CMIP: variants seen among roughly 807,000 people sequenced by gnomAD.
The protein encoded by CMIP is c-Maf inducing protein, also known as C-Maf-inducing protein.
In CMIP, 13 loss-of-function variants were observed where a neutral mutation model predicts 97.3. The observed-to-expected ratio is 0.13, with a 90% CI of 0.09 to 0.21. The LOEUF (loss-of-function observed/expected upper bound fraction) is 0.21, where lower values mean the gene tolerates loss of function less well. Among genes scored for constraint, CMIP ranks in the 10% least tolerant of loss-of-function variants. The pLI, the probability that CMIP is intolerant of heterozygous loss-of-function variation, is 1.00. For synonymous variants in CMIP, 538 were observed against 436.3 expected (o/e 1.23, Z -2.91); for missense variants, 847 against 1,024.9 (o/e 0.83, Z 2.37).
intron 10 of CMIP, among the ~76,000 whole-genome samples, chr16:81,680,322 C>T (rs1904744174): frequency 6.6e-6 from 1 of 152,244 alleles, no homozygotes; most frequent in Non-Finnish European, 1.5e-5. Context: ...AGGGCAGCTT[C>T]TGAGGGCCTG....
chr16:81,606,945 T>C (rs1247714074), intron 1 of CMIP: 1 of 155,080 alleles, frequency 6.4e-6, no homozygotes, highest in Non-Finnish European at 1.5e-5. Flanking sequence ...GGCACTGTTA[T>C]CAGGGCAGTG....
rs974480686 is a variant in CMIP at position 81,710,075 on chromosome 16, G to A, written c.*276G>A. The A allele has an allele frequency of 1.8e-4, 4 of 22,480 alleles. No individual in the cohort carries two copies. Among genetic ancestry groups the A allele is most frequent in the African/African-American group, 7.9e-4 (4 of 5,076 alleles). The allele number at this position is 22,480 out of a possible 1,614,324, so 1.4% of individuals were successfully genotyped here. The stretch of plus-strand genomic sequence containing the variant: ...AGGAGCATCAGCGGGTCGGGGAGGG[G>A]TTTGGGGGTGGGCTGGGGGGTGGGG... On this transcript the variant is annotated 3_prime_UTR_variant, in exon 21 of 21. Coordinates refer to ENST00000537098, the MANE Select transcript of CMIP (RefSeq NM_198390.3).
At chr16:81,447,095 G>A (rs1443905220) in intron 1 of CMIP, among the ~76,000 whole-genome samples, 3 of 152,224 alleles carry the variant, frequency 2.0e-5, no homozygotes, top group Non-Finnish European at 4.4e-5. Flanking sequence ...ATGGAGGCGG[G>A]AGAGAGCCTC....
At chr16:81,609,600 G>T (rs536142430) in intron 2 of CMIP, among the ~76,000 whole-genome samples, 92 of 152,356 alleles carry the variant, frequency 6.0e-4, no homozygotes, top group African/African-American at 1.9e-3. Context: ...AGAGGCAACC[G>T]TGGAGGACTG....
intron 1 of CMIP, among the ~76,000 whole-genome samples, chr16:81,560,782 C>T (rs2090867038): frequency 6.6e-6 from 1 of 152,186 alleles, no homozygotes; most frequent in Non-Finnish European, 1.5e-5. Flanking sequence ...CACTGTGCTA[C>T]AGCTACCTAC....
chr16:81,453,895 A>G lies in CMIP; in HGVS notation c.300+8354A>G, dbSNP rs939856666. ...AGAACTCAGACACACGGCCACACGGAGTGCAGGGGAAGACTTGGGAACATG... is the reference window on the plus strand; with the variant it reads ...AGAACTCAGACACACGGCCACACGGGGTGCAGGGGAAGACTTGGGAACATG... On this transcript the variant is annotated intron_variant, in intron 1 of 20. Coordinates refer to ENST00000537098, the MANE Select transcript of CMIP (RefSeq NM_198390.3). The surrounding 1 kb of genome is among the most constrained non-coding windows in gnomAD (Gnocchi z 4.0). 6.6e-6 allele frequency among the ~76,000 whole-genome samples: 1 copy of G among 152,186 alleles called. No individual in the cohort carries two copies. Among genetic ancestry groups the G allele is most frequent in the Admixed American group, 6.5e-5 (1 of 15,288 alleles).
At chr16:81,490,301 G>T (rs915248546) in intron 1 of CMIP, among the ~76,000 whole-genome samples, 2 of 152,244 alleles carry the variant, frequency 1.3e-5, no homozygotes, top group African/African-American at 4.8e-5. Flanking sequence ...GAGGCCTGAT[G>T]CTATTGTAAC....
In CMIP at chr16:81,478,089, G is replaced by A. The variant is rs150891140; in HGVS notation, c.300+32548G>A. On this transcript the variant is annotated intron_variant, in intron 1 of 20. Transcript: ENST00000537098. The stretch of plus-strand genomic sequence containing the variant: ...AGAATAGGGTGTTGGCATGGGCCAC[G>A]CTAGCCATCTCTGCCACTGCCCTTC... 4.7e-4 allele frequency among the ~76,000 whole-genome samples: 71 copies of A among 152,330 alleles called. 1 individual carries two copies. The East Asian group carries it at 0.011, about 24-fold the overall frequency.
At chr16:81,517,877 A>T (rs3803655) in intron 1 of CMIP, 5 of 950,524 alleles carry the variant, frequency 5.3e-6, no homozygotes, top group Non-Finnish European at 6.3e-6. Context: ...CAGAGTTGGC[A>T]GTGGCTGCAG....
At chr16:81,543,685 T>G (rs1012146704) in intron 1 of CMIP, among the ~76,000 whole-genome samples, 3 of 152,200 alleles carry the variant, frequency 2.0e-5, no homozygotes, top group African/African-American at 7.2e-5. Context: ...GCTACTATCT[T>G]AGAACAGTGC....
At chr16:81,698,421 A>G (rs1003918926) in intron 14 of CMIP, among the ~76,000 whole-genome samples, 1 of 152,186 alleles carries the variant, frequency 6.6e-6, no homozygotes, top group Admixed American at 6.5e-5. Context: ...GCAGTCTCCC[A>G]AAACACCCTT....
At chr16:81,678,824 G>A (rs1904566589) in intron 10 of CMIP, among the ~76,000 whole-genome samples, 196 bp downstream of exon 10, 1 of 152,276 alleles carries the variant, frequency 6.6e-6, no homozygotes, top group Admixed American at 6.5e-5. Context: ...CAGGCATACA[G>A]GGTGCATATG....
intron 1 of CMIP, among the ~76,000 whole-genome samples, chr16:81,560,989 C>T (rs988907093): frequency 1.3e-5 from 2 of 152,186 alleles, no homozygotes; most frequent in Admixed American, 6.5e-5. Context: ...GAGACAGTCT[C>T]CGTCACCCAG....
At chr16:81,470,202 T>C (rs539503254) in intron 1 of CMIP, among the ~76,000 whole-genome samples, 2 of 152,256 alleles carry the variant, frequency 1.3e-5, no homozygotes, top group Non-Finnish European at 2.9e-5. Context: ...AAGCGGCCCC[T>C]GGCCTCAGCT....
chr16:81,622,940 A>G (rs1479812514), intron 3 of CMIP, among the ~76,000 whole-genome samples: 1 of 152,238 alleles, frequency 6.6e-6, no homozygotes, highest in Admixed American at 6.5e-5. Flanking sequence ...GTGGTGGCTC[A>G]TGCCTGTAAT....
chr16:81,628,790 A>G (rs1449304363), intron 3 of CMIP, among the ~76,000 whole-genome samples: 1 of 152,094 alleles, frequency 6.6e-6, no homozygotes, highest in Non-Finnish European at 1.5e-5. Context: ...CTGGTGCCTG[A>G]GGCTTGCGTG....
At chr16:81,515,661 C>T (rs2089898695) in intron 1 of CMIP, among the ~76,000 whole-genome samples, 1 of 152,154 alleles carries the variant, frequency 6.6e-6, no homozygotes, top group South Asian at 2.1e-4. Context: ...TATCCTGCAC[C>T]AGGCGCTATT....
At position 81,652,837 on chromosome 16, in the gene CMIP, G is replaced by T. The variant is rs1240667778; in HGVS notation, c.639+473G>T. 6.6e-6 allele frequency among the ~76,000 whole-genome samples: 1 copy of T among 152,180 alleles called. No homozygotes were observed. The highest frequency in any genetic ancestry group is 1.5e-5 in the Non-Finnish European group (1 of 68,032). ...TCAGAAAATCCAGCCGCGGTTTGCA[G>T]CTGGTGCTACCTGATGCCACCCGTC... On this transcript the variant is annotated intron_variant, in intron 4 of 20. Coordinates refer to ENST00000537098, the MANE Select transcript of CMIP (RefSeq NM_198390.3). The surrounding 1 kb of genome is among the most constrained non-coding windows in gnomAD (Gnocchi z 5.2).
chr16:81,474,328 T>TC (rs991092324), intron 1 of CMIP, among the ~76,000 whole-genome samples: 1 of 152,072 alleles, frequency 6.6e-6, no homozygotes, highest in African/African-American at 2.4e-5. Context: ...TTCTTCTCTT[T>TC]CCCCCTTCTT....
Sources: gnomAD v4.1 joint callset for allele counts (sites outside exome capture counted in the v4.1 genomes callset) on GRCh38, gnomAD v4.1.1 for gene constraint, Gnocchi (gnomAD v3.1) non-coding constraint, MANE v1.5 for transcripts, NCBI Gene and HGNC (gene_info 2026-07-23, HGNC 2026-07-21) for gene names.